EFCAB6: variants seen among roughly 807,000 people sequenced by gnomAD.
The protein encoded by EFCAB6 is EF-hand calcium binding domain 6.
In EFCAB6, 156 loss-of-function variants were observed where a neutral mutation model predicts 169.8. The observed-to-expected ratio is 0.92, with a 90% CI of 0.81 to 1.05. The LOEUF (loss-of-function observed/expected upper bound fraction) is 1.05, where lower values mean the gene tolerates loss of function less well. Among genes scored for constraint, EFCAB6 ranks in the 50% least tolerant of loss-of-function variants. The pLI is 0.00. For missense variants in EFCAB6, 1,800 were observed against 1,829.1 expected (o/e 0.98, Z 0.29); for synonymous variants, 698 against 676.4 (o/e 1.03, Z -0.50).
intron 23 of EFCAB6, among the ~76,000 whole-genome samples, chr22:43,590,567 A>T (rs1320526679): frequency 6.6e-6 from 1 of 152,224 alleles, no homozygotes; most frequent in Admixed American, 6.5e-5. Flanking sequence ...ATACACACTC[A>T]TTCTCAATAA....
chr22:43,734,619 C>A (rs894445006), intron 7 of EFCAB6, among the ~76,000 whole-genome samples: 2 of 151,786 alleles, frequency 1.3e-5, no homozygotes, highest in Non-Finnish European at 2.9e-5. Context: ...ATTGCGTGCA[C>A]AAAATTATTT....
intron 15 of EFCAB6, among the ~76,000 whole-genome samples, chr22:43,669,531 T>C (rs557240140): frequency 5.3e-5 from 8 of 152,332 alleles, no homozygotes; most frequent in African/African-American, 1.2e-4. Flanking sequence ...TAATCTATCA[T>C]GAAAGAGAGC....
chr22:43,737,623 ACATG>A (rs971169122), intron 6 of EFCAB6, among the ~76,000 whole-genome samples: 3 of 151,396 alleles, frequency 2.0e-5, no homozygotes, highest in Non-Finnish European at 4.4e-5. Context: ...TCACACACAC[ACATG>A]CAGATATTCA....
chr22:43,761,800 A>G (rs1172183102), intron 5 of EFCAB6, among the ~76,000 whole-genome samples: 2 of 151,994 alleles, frequency 1.3e-5, no homozygotes, highest in African/African-American at 2.4e-5. Flanking sequence ...TGATAGTTTC[A>G]TATTTCAAGT....
intron 21 of EFCAB6, among the ~76,000 whole-genome samples, chr22:43,613,404 T>C (rs1394533237): frequency 6.6e-6 from 1 of 152,108 alleles, no homozygotes; most frequent in African/African-American, 2.4e-5. Flanking sequence ...CTGTGGAATA[T>C]ATACATCATA....
In EFCAB6 at chr22:43,664,922, G is replaced by A. The variant is rs151201259; in HGVS notation, c.1983+2182C>T. Reference sequence around the variant, plus strand: ...GGTGGAAGCAGGGAGGCAGTGAAGGGGATGCTGTGATAATCACATGGGAGA... The same window carrying A: ...GGTGGAAGCAGGGAGGCAGTGAAGGAGATGCTGTGATAATCACATGGGAGA... On this transcript the variant is annotated intron_variant, in intron 17 of 31. Transcript: ENST00000262726. Among the ~76,000 whole-genome samples, 317 of 152,294 alleles carry A rather than the reference G, an allele frequency of 2.1e-3. 1 individual carries two copies. Among genetic ancestry groups the A allele is most frequent in the African/African-American group, 7.4e-3 (308 of 41,564 alleles).
At chr22:43,548,201 G>A (rs938295259) in intron 27 of EFCAB6, among the ~76,000 whole-genome samples, 2 of 152,096 alleles carry the variant, frequency 1.3e-5, no homozygotes, top group East Asian at 1.9e-4. Flanking sequence ...ATGTAAATGG[G>A]TCAAACATCC....
At chr22:43,683,113 A>C (rs2058067755) in intron 12 of EFCAB6, among the ~76,000 whole-genome samples, 1 of 152,184 alleles carries the variant, frequency 6.6e-6, no homozygotes, top group Non-Finnish European at 1.5e-5. Flanking sequence ...TGTGAGTCTC[A>C]GAAACAGTAA....
intron 22 of EFCAB6, among the ~76,000 whole-genome samples, chr22:43,603,400 T>A (rs1218520464): frequency 1.3e-5 from 2 of 152,240 alleles, no homozygotes; most frequent in African/African-American, 2.4e-5. Flanking sequence ...CAGCAATAGA[T>A]GTGCCAGGAA....
At chr22:43,776,414 A>G (rs1467268606) in intron 3 of EFCAB6, among the ~76,000 whole-genome samples, 1 of 152,264 alleles carries the variant, frequency 6.6e-6, no homozygotes, top group Non-Finnish European at 1.5e-5. Context: ...ACAAGAAGCC[A>G]ATAAATAAAT....
chr22:43,740,752 A>C (rs1361230250), intron 6 of EFCAB6, among the ~76,000 whole-genome samples: 1 of 151,866 alleles, frequency 6.6e-6, no homozygotes, highest in Non-Finnish European at 1.5e-5. Context: ...TCTGTCCTCC[A>C]CTCCACCGCT....
chr22:43,536,369 T>A (rs977029054), intron 29 of EFCAB6: 1 of 152,248 alleles, frequency 6.6e-6, no homozygotes, highest in African/African-American at 2.4e-5. Context: ...CCTGGTTTCA[T>A]TTGTGCATTT....
At chr22:43,806,031 T>C (rs1045103740) in intron 2 of EFCAB6, among the ~76,000 whole-genome samples, 5 of 151,770 alleles carry the variant, frequency 3.3e-5, no homozygotes, top group Admixed American at 6.6e-5. Flanking sequence ...CTGGGTGTGG[T>C]GGTGAGTGCC....
chr22:43,648,869 C>T (rs960812202), intron 17 of EFCAB6, among the ~76,000 whole-genome samples: 2 of 152,166 alleles, frequency 1.3e-5, no homozygotes, highest in African/African-American at 2.4e-5. Flanking sequence ...TGAGCACTTA[C>T]GATGTGCTAG....
intron 4 of EFCAB6, 133 bp downstream of exon 4, chr22:43,772,759 G>A: frequency 1.1e-6 from 1 of 905,742 alleles, no homozygotes; most frequent in Non-Finnish European, 1.6e-6. Flanking sequence ...TTAATTAACT[G>A]AATTATGAAA....
intron 17 of EFCAB6, 149 bp downstream of exon 17, chr22:43,666,955 A>C (rs2057289848): frequency 3.7e-6 from 2 of 534,228 alleles, no homozygotes; most frequent in Non-Finnish European, 5.2e-6. Context: ...TTTTTTGGCC[A>C]AAAAAAAAAA....
At chr22:43,587,975 A>C (rs557758824) in intron 24 of EFCAB6, among the ~76,000 whole-genome samples, 1 of 152,384 alleles carries the variant, frequency 6.6e-6, no homozygotes, top group African/African-American at 2.4e-5. Context: ...AAACAACAAA[A>C]TTTTTAGTAT....
intron 20 of EFCAB6, among the ~76,000 whole-genome samples, chr22:43,620,068 A>C (rs750860142): frequency 6.6e-6 from 1 of 152,228 alleles, no homozygotes; most frequent in African/African-American, 2.4e-5. Flanking sequence ...CTGTGATCCA[A>C]GCCCTTTGGG....
Position 43,668,866 on chromosome 22 carries a change from T to C in EFCAB6, c.1814+6A>G. On this transcript the variant is annotated splice_donor_region_variant and intron_variant, in intron 16 of 31. Transcript: ENST00000262726. The stretch of plus-strand genomic sequence containing the variant: ...TGATATGTGCATTCATTTTGCTTAA[T>C]TTTACCTCTCAGAAAGATCTGGCTG... 1 of 1,584,436 alleles carries C rather than the reference T, an allele frequency of 6.3e-7. No individual in the cohort carries two copies. The highest frequency in any genetic ancestry group is 1.2e-5 in the South Asian group (1 of 84,214).
Sources: allele counts gnomAD v4.1 joint callset (sites outside exome capture counted in the v4.1 genomes callset), GRCh38; gene constraint gnomAD v4.1.1; transcripts MANE v1.5; gene names NCBI Gene and HGNC (gene_info 2026-07-23, HGNC 2026-07-21).